NCALD: variants seen among roughly 807,000 people sequenced by gnomAD.
NCALD encodes the protein neurocalcin-delta.
A neutral mutation model predicts 18.6 loss-of-function variants in NCALD; 10 were observed. The observed-to-expected ratio is 0.54, with a 90% CI of 0.33 to 0.91. NCALD has a LOEUF of 0.91. Ranked by LOEUF, NCALD falls within the 40% of genes least tolerant of loss-of-function variation. NCALD has a pLI of 0.03. For synonymous variants in NCALD, 88 were observed against 87.4 expected, an observed-to-expected ratio of 1.01 and a Z score of -0.04; for missense variants, 184 against 247.6, an observed-to-expected ratio of 0.74 and a Z score of 1.72.
intron 1 of NCALD, among the ~76,000 whole-genome samples, chr8:101,781,312 A>C (rs558812981): frequency 1.1e-4 from 16 of 152,144 alleles, no homozygotes; most frequent in Non-Finnish European, 2.2e-4. Flanking sequence ...TAATATACTC[A>C]GATAGTCTTA....
chr8:102,072,307 T>A (rs1314295186), intron 1 of NCALD, among the ~76,000 whole-genome samples: 5 of 152,128 alleles, frequency 3.3e-5, no homozygotes, highest in African/African-American at 1.2e-4. Flanking sequence ...CTGGGGTGGA[T>A]GGGAGGGGCA....
intron 4 of NCALD, among the ~76,000 whole-genome samples, chr8:101,867,187 T>C (rs1037956260): frequency 6.6e-6 from 1 of 152,184 alleles, no homozygotes. Flanking sequence ...TTCTCAAAAG[T>C]CACCTTCTCA....
intron 2 of NCALD, among the ~76,000 whole-genome samples, chr8:101,964,174 T>A (rs1000088109): frequency 7.2e-4 from 109 of 152,210 alleles, no homozygotes; most frequent in African/African-American, 2.6e-3. Context: ...TCACCACCTC[T>A]CACCTATGAA....
chr8:102,075,497 T>G (rs1587025494), intron 1 of NCALD, among the ~76,000 whole-genome samples: 1 of 152,248 alleles, frequency 6.6e-6, no homozygotes, highest in Non-Finnish European at 1.5e-5. Flanking sequence ...TATGTAGGTC[T>G]GATAAATTAG....
At chr8:102,030,619 T>C (rs989562951) in intron 1 of NCALD, among the ~76,000 whole-genome samples, 14 of 152,196 alleles carry the variant, frequency 9.2e-5, no homozygotes, top group Admixed American at 3.9e-4. Flanking sequence ...CAGTGGCTCA[T>C]GCCTGTAATC....
At chr8:102,033,550 C>T (rs925419445) in intron 1 of NCALD, among the ~76,000 whole-genome samples, 2 of 152,130 alleles carry the variant, frequency 1.3e-5, no homozygotes, top group Non-Finnish European at 2.9e-5. Flanking sequence ...AAATAAAAGT[C>T]AGCAGCAGAA....
intron 2 of NCALD, among the ~76,000 whole-genome samples, chr8:101,992,562 A>G (rs1204328282): frequency 6.6e-6 from 1 of 152,192 alleles, no homozygotes; most frequent in Non-Finnish European, 1.5e-5. Flanking sequence ...TTTGCCACTT[A>G]CCAGCTGGCT....
chr8:101,914,186 A>G (rs1817898197), intron 3 of NCALD, among the ~76,000 whole-genome samples: 1 of 152,118 alleles, frequency 6.6e-6, no homozygotes, highest in African/African-American at 2.4e-5. Context: ...TATCTCTCAG[A>G]CTTGAGTTGT....
At chr8:101,790,786 A>C (rs1812414300) in intron 1 of NCALD, 76 bp downstream of exon 1, 1 of 152,246 alleles carries the variant, frequency 6.6e-6, no homozygotes, top group Admixed American at 6.5e-5. Flanking sequence ...ACAAACTTGT[A>C]GGAGGTAAGA....
intron 2 of NCALD, among the ~76,000 whole-genome samples, chr8:101,964,690 C>T (rs1819957598): frequency 6.6e-6 from 1 of 152,194 alleles, no homozygotes; most frequent in Admixed American, 6.5e-5. Context: ...ACAAATACCA[C>T]ATTAAAATGT....
intron 1 of NCALD, among the ~76,000 whole-genome samples, chr8:101,762,591 C>CTTT (rs577820477): frequency 3.6e-5 from 5 of 140,496 alleles, no homozygotes; most frequent in Non-Finnish European, 4.7e-5. Flanking sequence ...ACAAAGTCTA[C>CTTT]TTTTTTTTTT....
chr8:102,096,038 T>G (rs1825083005), intron 1 of NCALD, among the ~76,000 whole-genome samples: 1 of 152,174 alleles, frequency 6.6e-6, no homozygotes, highest in South Asian at 2.1e-4. Context: ...TTTGTCCCCC[T>G]GCCTCTAATA....
chr8:102,012,302 G>A (rs1266062000), intron 2 of NCALD, among the ~76,000 whole-genome samples: 4 of 152,164 alleles, frequency 2.6e-5, no homozygotes, highest in East Asian at 1.9e-4. Context: ...GACAGCACAC[G>A]ATGTCATTTT....
At chr8:101,967,716 C>T (rs1389651178) in intron 2 of NCALD, among the ~76,000 whole-genome samples, 1 of 152,104 alleles carries the variant, frequency 6.6e-6, no homozygotes, top group Non-Finnish European at 1.5e-5. Flanking sequence ...CCCCACACTG[C>T]CACCAGCAAG....
At chr8:101,691,616 T>C in intron 3 of NCALD, 1 of 985,436 alleles carries the variant, frequency 1.0e-6, no homozygotes, top group Non-Finnish European at 1.2e-6. Context: ...ATCCCGTGCT[T>C]GTTTAGTCAC....
chr8:101,907,073 A>C (rs913958226), intron 3 of NCALD, among the ~76,000 whole-genome samples: 1 of 152,130 alleles, frequency 6.6e-6, no homozygotes, highest in Non-Finnish European at 1.5e-5. Flanking sequence ...TAAAATGTTG[A>C]TCTTTGTCCA....
chr8:101,942,174 T>G (rs6991178), intron 2 of NCALD, among the ~76,000 whole-genome samples: 1 of 151,786 alleles, frequency 6.6e-6, no homozygotes. Context: ...TTCTCGGAAC[T>G]AGAACTCATG....
intron 2 of NCALD, among the ~76,000 whole-genome samples, chr8:102,014,859 A>G (rs927106063): frequency 9.2e-5 from 14 of 152,160 alleles, no homozygotes; most frequent in African/African-American, 2.9e-4. Flanking sequence ...TCTAGTACAC[A>G]AGAATTACTC....
chr8:101,732,627 A>G (rs10106927), intron 1 of NCALD, among the ~76,000 whole-genome samples: 49,385 of 108,240 alleles, frequency 0.46, 11,495 homozygotes, highest in African/African-American at 0.63. Context: ...TTTTTGAGAC[A>G]GGGTCTTGCT....
Sources: allele counts gnomAD v4.1 joint callset (sites outside exome capture counted in the v4.1 genomes callset), GRCh38; gene constraint gnomAD v4.1.1; transcripts MANE v1.5; gene names NCBI Gene and HGNC (gene_info 2026-07-23, HGNC 2026-07-21).